Variants in NMNAT1 observed in about 807,000 individuals in gnomAD.
NMNAT1 encodes nicotinamide nucleotide adenylyltransferase 1, also known as nicotinamide/nicotinic acid mononucleotide adenylyltransferase 1.
NMNAT1 carries 11 observed loss-of-function variants against 16.7 expected under a neutral mutation model. That is an observed-to-expected ratio of 0.66 (90% CI 0.41 to 1.09). NMNAT1 has a LOEUF of 1.09. Among genes scored for constraint, NMNAT1 ranks in the 50% least tolerant of loss-of-function variants. The probability of loss-of-function intolerance (pLI) is 0.00; values close to 1 mark genes in which losing one functional copy is unlikely to be tolerated. For synonymous variants in NMNAT1, 110 were observed against 119.8 expected, an observed-to-expected ratio of 0.92 and a Z score of 0.53; for missense variants, 280 against 332.3, an observed-to-expected ratio of 0.84 and a Z score of 1.22.
chr1:9,954,100 C>G (rs901920885), intron 1 of NMNAT1, among the ~76,000 whole-genome samples: 2 of 152,206 alleles, frequency 1.3e-5, no homozygotes, highest in South Asian at 4.1e-4. Context: ...GCCACCGCAC[C>G]CGGCCCATAC....
intron 1 of NMNAT1, among the ~76,000 whole-genome samples, chr1:9,961,052 C>T (rs369872398): frequency 6.6e-6 from 1 of 152,056 alleles, no homozygotes; most frequent in Admixed American, 6.6e-5. Context: ...GGTGTGAGCT[C>T]GAGTTGGCTT....
chr1:9,966,432 G>A (rs983987010), intron 1 of NMNAT1, among the ~76,000 whole-genome samples: 1 of 152,062 alleles, frequency 6.6e-6, no homozygotes, highest in Non-Finnish European at 1.5e-5. Flanking sequence ...AGCCAACATG[G>A]TGAAACCCCA....
chr1:9,995,039 T>C, the NMNAT1 span, among the ~76,000 whole-genome samples: 1 of 151,190 alleles, frequency 6.6e-6, no homozygotes, highest in Non-Finnish European at 1.5e-5. Flanking sequence ...TGAGCTACCA[T>C]GCACGGACTG....
At chr1:9,945,687 C>T (rs1341385035) in intron 1 of NMNAT1, among the ~76,000 whole-genome samples, 4 of 152,100 alleles carry the variant, frequency 2.6e-5, no homozygotes, top group East Asian at 1.9e-4. Context: ...GGGTGAGACT[C>T]GGTCTCAAAA....
At chr1:9,982,214 G>T (rs1172470624) in intron 4 of NMNAT1, 87 bp from the exon 5 acceptor site, 2 of 1,472,512 alleles carry the variant, frequency 1.4e-6, no homozygotes, top group African/African-American at 2.8e-5. Context: ...GATACAGTGG[G>T]TTATTAGAAA....
At position 9,985,364 on chromosome 1, in the gene NMNAT1, C is replaced by T. The variant is rs770868280; in HGVS notation, c.*2663C>T. Reference sequence around the variant, plus strand: ...TATAAATGGTGAGCTGAGCTTGAATCTAAGCTTTGTCTTCAGAGCCAGTAC... The same window carrying T: ...TATAAATGGTGAGCTGAGCTTGAATTTAAGCTTTGTCTTCAGAGCCAGTAC... On this transcript the variant is annotated 3_prime_UTR_variant, in exon 5 of 5. Coordinates refer to ENST00000377205, the MANE Select transcript of NMNAT1 (RefSeq NM_022787.4). The T allele has an allele frequency of 2.9e-4, 44 of 152,164 alleles. No individual in the cohort carries two copies. The highest frequency in any genetic ancestry group is 4.4e-4 in the Non-Finnish European group (30 of 68,036). 9.4% of individuals were successfully genotyped at this position (152,164 alleles called of 1,614,324 possible).
At chr1:9,969,910 C>G (rs1466459131) in intron 1 of NMNAT1, among the ~76,000 whole-genome samples, 1 of 152,098 alleles carries the variant, frequency 6.6e-6, no homozygotes, top group Non-Finnish European at 1.5e-5. Flanking sequence ...TGGATAGAAA[C>G]AAAGCTGCAC....
the NMNAT1 span, among the ~76,000 whole-genome samples, chr1:9,992,303 A>G: frequency 5.9e-5 from 9 of 151,940 alleles, no homozygotes; most frequent in Non-Finnish European, 1.0e-4. Context: ...GGCTGATCTC[A>G]AAATCCTGGG....
the NMNAT1 span, among the ~76,000 whole-genome samples, chr1:9,994,198 C>T: frequency 1.2e-3 from 171 of 147,284 alleles, 1 homozygote; most frequent in Admixed American, 3.3e-3. Flanking sequence ...GCAACCTCTG[C>T]CTCCCGGGTT....
chr1:9,966,248 G>A (rs185480892), intron 1 of NMNAT1, among the ~76,000 whole-genome samples: 88 of 152,074 alleles, frequency 5.8e-4, no homozygotes, highest in African/African-American at 1.6e-3. Flanking sequence ...GCAGTGAGCT[G>A]AGATCGTGCC....
At chr1:9,959,419 AC>A (rs1407789258) in intron 1 of NMNAT1, among the ~76,000 whole-genome samples, 2 of 150,036 alleles carry the variant, frequency 1.3e-5, no homozygotes, top group African/African-American at 4.9e-5. Flanking sequence ...GCGGTGACTC[AC>A]GCCTATAATC....
At chr1:9,991,733 A>G in the NMNAT1 span, among the ~76,000 whole-genome samples, 27 of 152,286 alleles carry the variant, frequency 1.8e-4, no homozygotes, top group African/African-American at 6.5e-4. Flanking sequence ...AAAAAAGATA[A>G]TTATGGATTA....
At chr1:9,949,406 A>C (rs1641054487) in intron 1 of NMNAT1, among the ~76,000 whole-genome samples, 14 of 102,094 alleles carry the variant, frequency 1.4e-4, no homozygotes, top group South Asian at 6.0e-4. Context: ...AAAATCTTCC[A>C]CTGCTTTTTT....
chr1:9,991,460 G>A, the NMNAT1 span, among the ~76,000 whole-genome samples: 2 of 152,032 alleles, frequency 1.3e-5, no homozygotes, highest in Non-Finnish European at 2.9e-5. Flanking sequence ...GTGAGCCACC[G>A]CACCAAGCCT....
At chr1:9,955,885 T>C (rs1401113913) in intron 1 of NMNAT1, 3 of 152,070 alleles carry the variant, frequency 2.0e-5, no homozygotes, top group African/African-American at 7.2e-5. Context: ...GGCTGCAATA[T>C]TGGGAAGATC....
chr1:9,959,485 A>C (rs865933745), intron 1 of NMNAT1, among the ~76,000 whole-genome samples: 4 of 151,268 alleles, frequency 2.6e-5, no homozygotes, highest in South Asian at 4.2e-4. Flanking sequence ...GTTCAAGACC[A>C]GCATGACCAA....
In NMNAT1 at chr1:9,975,859, A is replaced by G. The variant is rs56749976; in HGVS notation, c.299+84A>G. On this transcript the variant is annotated intron_variant, in intron 3 of 4. Coordinates refer to ENST00000377205, the MANE Select transcript of NMNAT1 (RefSeq NM_022787.4). The stretch of plus-strand genomic sequence containing the variant: ...TTTACCATGTTTCAATGTTGCTTAC[A>G]TCTGTGAACATACAGATTTGCAAAA... 5.4e-4 allele frequency: 607 copies of G among 1,118,454 alleles called. 1 individual carries two copies. In the African/African-American group the frequency reaches 9.0e-3, roughly 17 times the overall value. 69.3% of individuals were successfully genotyped at this position (1,118,454 alleles called of 1,614,324 possible). A position where few individuals can be genotyped will look rare whatever the true frequency, so the allele number is the denominator to read the frequency against.
At position 9,975,786 on chromosome 1, in the gene NMNAT1, T is replaced by C. The variant is rs1304514515; in HGVS notation, c.299+11T>C. The stretch of plus-strand genomic sequence containing the variant: ...TCTGAAGGTGCTAAGGTATTTATGG[T>C]GTAATCAACTTTGTCAGTTCTGTGT... On this transcript the variant is annotated intron_variant, in intron 3 of 4. Transcript: ENST00000377205. The C allele has an allele frequency of 4.4e-6, 7 of 1,599,766 alleles. No homozygotes were observed. The highest frequency in any genetic ancestry group is 6.0e-6 in the Non-Finnish European group (7 of 1,171,940).
At chr1:9,957,477 G>T (rs999256992) in intron 1 of NMNAT1, among the ~76,000 whole-genome samples, 1 of 151,194 alleles carries the variant, frequency 6.6e-6, no homozygotes. Context: ...GCGCCACCAC[G>T]CGAGAGTGGG....
Sources: allele counts gnomAD v4.1 joint callset (sites outside exome capture counted in the v4.1 genomes callset), GRCh38; gene constraint gnomAD v4.1.1; transcripts MANE v1.5; gene names NCBI Gene and HGNC (gene_info 2026-07-23, HGNC 2026-07-21).